NUP210L: variants seen among roughly 807,000 people sequenced by gnomAD.
NUP210L encodes the protein nuclear pore membrane glycoprotein 210-like.
In NUP210L, 74 loss-of-function variants were observed where a neutral mutation model predicts 208.5. The observed-to-expected ratio is 0.35, with a 90% CI of 0.29 to 0.43. NUP210L has a LOEUF of 0.43. Ranked by LOEUF, NUP210L falls within the 20% of genes least tolerant of loss-of-function variation. NUP210L has a pLI of 1.00. For synonymous variants in NUP210L, 780 were observed against 816.9 expected, an observed-to-expected ratio of 0.95 and a Z score of 0.77; for missense variants, 1,843 against 2,289.4, an observed-to-expected ratio of 0.81 and a Z score of 3.98.
chr1:154,106,934 C>T (rs1027419840), intron 12 of NUP210L, among the ~76,000 whole-genome samples: 71 of 152,254 alleles, frequency 4.7e-4, no homozygotes, highest in Admixed American at 2.0e-4. Context: ...TGTTCAAAGA[C>T]TACAATTAAT....
chr1:154,151,239 A>T (rs1269708359), intron 2 of NUP210L, among the ~76,000 whole-genome samples: 1 of 130,816 alleles, frequency 7.6e-6, no homozygotes, highest in Non-Finnish European at 1.5e-5. Flanking sequence ...CCTGCATGAC[A>T]TGGTCTTCAA....
At chr1:154,039,234 A>G (rs1279604061) in intron 27 of NUP210L, among the ~76,000 whole-genome samples, 2 of 147,448 alleles carry the variant, frequency 1.4e-5, no homozygotes, top group Non-Finnish European at 3.0e-5. Context: ...TTTCTGGGAA[A>G]CTTTTTTTTT....
intron 16 of NUP210L, among the ~76,000 whole-genome samples, chr1:154,075,028 T>C (rs1654963952): frequency 1.3e-5 from 2 of 152,154 alleles, no homozygotes; most frequent in Admixed American, 6.5e-5. Flanking sequence ...TTTTGAGAAG[T>C]CACCATTACT....
chr1:153,996,725 C>CT (rs1484171706), intron 37 of NUP210L, among the ~76,000 whole-genome samples: 1 of 151,688 alleles, frequency 6.6e-6, no homozygotes, highest in African/African-American at 2.4e-5. Context: ...CCAGCCAAAA[C>CT]TTTTTTTTAA....
chr1:154,011,389 A>G (rs1217434431), intron 34 of NUP210L, among the ~76,000 whole-genome samples: 3 of 151,692 alleles, frequency 2.0e-5, no homozygotes, highest in Non-Finnish European at 2.9e-5. Context: ...GCACCCGGCT[A>G]ATTTTTGTAT....
At chr1:154,002,339 C>T (rs1056853193) in intron 35 of NUP210L, among the ~76,000 whole-genome samples, 3 of 152,000 alleles carry the variant, frequency 2.0e-5, no homozygotes, top group East Asian at 1.9e-4. Context: ...CTCAGCCTCC[C>T]GAGTAGCTGG....
At chr1:154,130,783 C>T (rs1658208197) in intron 7 of NUP210L, among the ~76,000 whole-genome samples, 1 of 151,662 alleles carries the variant, frequency 6.6e-6, no homozygotes, top group African/African-American at 2.4e-5. Flanking sequence ...AGGGGTCTCA[C>T]TATGTTGCCT....
intron 7 of NUP210L, among the ~76,000 whole-genome samples, chr1:154,130,246 G>C (rs564065689): frequency 6.6e-6 from 1 of 152,080 alleles, no homozygotes; most frequent in African/African-American, 2.4e-5. Context: ...GGCTGAGGCA[G>C]AAGAATTGCT....
At chr1:154,152,477 A>AT (rs11458686) in intron 2 of NUP210L, among the ~76,000 whole-genome samples, 68,594 of 139,280 alleles carry the variant, frequency 0.49, 16,973 homozygotes, top group Admixed American at 0.61. Flanking sequence ...CCCAGCCATA[A>AT]TTTTTTTTTT....
chr1:154,040,790 A>G (rs1652832336), intron 27 of NUP210L, among the ~76,000 whole-genome samples: 2 of 151,890 alleles, frequency 1.3e-5, no homozygotes, highest in African/African-American at 4.8e-5. Context: ...GTGGGGTTTC[A>G]CCATGTTAGC....
intron 22 of NUP210L, among the ~76,000 whole-genome samples, chr1:154,057,692 G>GTC (rs1653940987): frequency 2.0e-5 from 2 of 98,474 alleles, no homozygotes; most frequent in African/African-American, 8.5e-5. Flanking sequence ...GACCTCGAAT[G>GTC]TGTGTGTGTG....
chr1:154,039,159 T>C (rs1652720587), intron 27 of NUP210L, among the ~76,000 whole-genome samples: 2 of 152,222 alleles, frequency 1.3e-5, no homozygotes, highest in Non-Finnish European at 1.5e-5. Context: ...TTTCAGATTG[T>C]AGTATTCCCA....
chr1:154,006,049 G>T (rs545382105), intron 35 of NUP210L, among the ~76,000 whole-genome samples: 1 of 151,814 alleles, frequency 6.6e-6, no homozygotes, highest in East Asian at 1.9e-4. Context: ...GTAGAGATGG[G>T]GTTTCTCCAT....
At chr1:153,995,297 G>T in intron 37 of NUP210L, 117 bp from the exon 38 acceptor site, 2 of 703,356 alleles carry the variant, frequency 2.8e-6, no homozygotes, top group Non-Finnish European at 2.4e-6. Flanking sequence ...TGTCCCCCAG[G>T]CTGGAGGGCA....
At chr1:154,054,709 TGAGA>T (rs373373242) in intron 24 of NUP210L, 57 bp downstream of exon 24, 100 of 1,031,374 alleles carry the variant, frequency 9.7e-5, no homozygotes, top group Non-Finnish European at 7.6e-5. Flanking sequence ...TGTGTGTGTG[TGAGA>T]GAGAGAGAGA....
rs562395124 is a variant in NUP210L, at chr1:153,995,025, AAAAG to A, written c.5491+47_5491+50del. On this transcript the variant is annotated intron_variant, in intron 38 of 39. Coordinates refer to ENST00000368559, the Ensembl canonical transcript of NUP210L. Reference sequence around the variant, plus strand: ...AAACTCCATCTCAAAAAAAAAAAAAAAAAGGCAGTTTTCATGTCAAAGTCTATGT... The same window carrying A: ...AAACTCCATCTCAAAAAAAAAAAAAAGCAGTTTTCATGTCAAAGTCTATGT... 1,203 of 1,245,198 alleles carry A rather than the reference AAAAG, an allele frequency of 9.7e-4. 8 individuals carry two copies. In the African/African-American group the frequency reaches 0.014, roughly 15 times the overall value. The allele number at this position is 1,245,198 out of a possible 1,614,324, so 77.1% of individuals were successfully genotyped here.
At chr1:154,129,462 CT>C (rs1250439498) in intron 7 of NUP210L, 117 bp from the exon 8 acceptor site, 35 of 702,862 alleles carry the variant, frequency 5.0e-5, no homozygotes, top group Non-Finnish European at 8.1e-5. Flanking sequence ...AAAATCCTAT[CT>C]TTTATTATCC....
exon 40 of NUP210L, chr1:153,992,738 A>T: frequency 7.8e-6 from 6 of 771,544 alleles, no homozygotes; most frequent in African/African-American, 5.3e-5. Flanking sequence ...CAGAAGCCTT[A>T]TCTGGAAACT....
At chr1:154,108,420 G>A (rs1050161763) in intron 12 of NUP210L, among the ~76,000 whole-genome samples, 10 of 152,036 alleles carry the variant, frequency 6.6e-5, no homozygotes, top group Admixed American at 6.6e-5. Flanking sequence ...CACCCACCTC[G>A]GCATCCCAAA....
Sources: allele counts gnomAD v4.1 joint callset (sites outside exome capture counted in the v4.1 genomes callset), GRCh38; gene constraint gnomAD v4.1.1; transcripts MANE v1.5; gene names NCBI Gene and HGNC (gene_info 2026-07-23, HGNC 2026-07-21).